Variants in KIF26B observed in about 807,000 individuals in gnomAD.
The protein encoded by KIF26B is kinesin-like protein KIF26B.
KIF26B carries 63 observed loss-of-function variants against 151.2 expected under a neutral mutation model. That is an observed-to-expected ratio of 0.42 (90% confidence interval 0.34 to 0.51). The LOEUF (loss-of-function observed/expected upper bound fraction) is 0.51. KIF26B is among the 20% of genes least tolerant of loss of function. KIF26B has a pLI of 0.07. For missense variants in KIF26B, 2,813 were observed against 2,913.6 expected (o/e 0.97, Z 0.79); for synonymous variants, 1,357 against 1,262.1 (o/e 1.08, Z -1.59).
At chr1:245,490,326 T>C (rs1660379339) in intron 4 of KIF26B, among the ~76,000 whole-genome samples, 2 of 148,562 alleles carry the variant, frequency 1.3e-5, no homozygotes, top group African/African-American at 5.0e-5. Flanking sequence ...TTTTTTTTTT[T>C]TTTTGAGACA....
At chr1:245,181,261 T>C (rs905112913) in intron 2 of KIF26B, among the ~76,000 whole-genome samples, 3 of 152,152 alleles carry the variant, frequency 2.0e-5, no homozygotes, top group Admixed American at 6.6e-5. Context: ...CTGGATAAGA[T>C]TGCCCCTGTC....
chr1:245,592,318 C>T lies in KIF26B; in HGVS notation c.1351-10259C>T, dbSNP rs551259477. 9.8e-4 allele frequency among the ~76,000 whole-genome samples: 150 copies of T among 152,340 alleles called. 1 individual carries two copies. The highest frequency in any genetic ancestry group is 3.4e-3 in the Middle Eastern group (1 of 294). On this transcript the variant is annotated intron_variant, in intron 5 of 14. Transcript: ENST00000407071. Reference sequence around the variant, plus strand: ...GCCCCAGTCTCCTGAGAGATGGCTCCGCTCTGGCTATGACCCAAGATGCTC... The same window carrying T: ...GCCCCAGTCTCCTGAGAGATGGCTCTGCTCTGGCTATGACCCAAGATGCTC...
chr1:245,429,586 A>G (rs1658730322), intron 4 of KIF26B, among the ~76,000 whole-genome samples: 1 of 151,960 alleles, frequency 6.6e-6, no homozygotes, highest in African/African-American at 2.4e-5. Flanking sequence ...TCACCTCTAA[A>G]TCTTCTGAAG....
intron 2 of KIF26B, among the ~76,000 whole-genome samples, chr1:245,177,634 C>A (rs937558014): frequency 6.6e-6 from 1 of 150,888 alleles, no homozygotes; most frequent in South Asian, 2.1e-4. Context: ...GGATTCATTG[C>A]CTTTTGGTTT....
intron 4 of KIF26B, among the ~76,000 whole-genome samples, chr1:245,506,183 G>A (rs57849946): frequency 0.25 from 37,824 of 152,058 alleles, 5,030 homozygotes; most frequent in Middle Eastern, 0.39. Flanking sequence ...ATATTAACAG[G>A]GACAGTGGGG....
At chr1:245,324,897 C>G (rs1206194678) in intron 2 of KIF26B, among the ~76,000 whole-genome samples, 1 of 151,942 alleles carries the variant, frequency 6.6e-6, no homozygotes, top group African/African-American at 2.4e-5. Flanking sequence ...GAGTTCGAGA[C>G]CAGCCTGGCC....
intron 5 of KIF26B, among the ~76,000 whole-genome samples, chr1:245,566,944 C>T (rs2043016060): frequency 1.2e-5 from 1 of 83,638 alleles, no homozygotes; most frequent in African/African-American, 5.3e-5. Context: ...TTAATAAATA[C>T]ATGAATAAAT....
At chr1:245,451,065 G>C (rs1288451443) in intron 4 of KIF26B, among the ~76,000 whole-genome samples, 2 of 150,964 alleles carry the variant, frequency 1.3e-5, no homozygotes, top group African/African-American at 4.9e-5. Flanking sequence ...GAGACATTTT[G>C]ACTTATTTTT....
chr1:245,687,558 C>T lies in KIF26B; in HGVS notation c.4575C>T (p.Pro1525=), dbSNP rs1374612604. 7 of 1,565,800 alleles carry T rather than the reference C, an allele frequency of 4.5e-6. No individual in the cohort carries two copies. Among genetic ancestry groups the T allele is most frequent in the Non-Finnish European group, 5.2e-6 (6 of 1,155,700 alleles). ...MALPGLATQS[P]VHPNKSVKSS... is the part of the protein sequence containing the mutation. ...TGCCCGGTTTGGCCACCCAGAGCCC[C>T]GTGCATCCCAACAAAAGCGTCAAGT... Residue 1525 remains proline (P), a synonymous_variant, in exon 12 of 15, where the codon CCC becomes CCT. Coordinates refer to ENST00000407071, the MANE Select transcript of KIF26B (RefSeq NM_018012.4). This position sits in a 1 kb window ranked among gnomAD's most constrained non-coding sequence, Gnocchi z 4.9.
chr1:245,405,435 A>C (rs1247351387), intron 3 of KIF26B, among the ~76,000 whole-genome samples: 3 of 152,146 alleles, frequency 2.0e-5, no homozygotes, highest in Non-Finnish European at 2.9e-5. Flanking sequence ...TTTTTAGTTA[A>C]TATTCCTTAT....
chr1:245,210,575 C>T (rs1220651935), intron 2 of KIF26B, among the ~76,000 whole-genome samples: 3 of 138,850 alleles, frequency 2.2e-5, no homozygotes, highest in East Asian at 2.0e-4. Flanking sequence ...GAGGAAAAAA[C>T]GTATTTTAAA....
At chr1:245,455,806 C>A (rs561985485) in intron 4 of KIF26B, among the ~76,000 whole-genome samples, 2 of 152,330 alleles carry the variant, frequency 1.3e-5, no homozygotes, top group South Asian at 4.1e-4. Context: ...CCTTGCTGGT[C>A]TTCTCTGCGT....
intron 9 of KIF26B, 72 bp from the exon 10 acceptor site, chr1:245,646,049 G>T (rs946235389): frequency 1.9e-5 from 28 of 1,498,682 alleles, no homozygotes; most frequent in Admixed American, 1.5e-4. Flanking sequence ...ATTTCCCAAG[G>T]AGCTACATGA....
chr1:245,267,672 AC>A (rs1670772525), intron 2 of KIF26B, among the ~76,000 whole-genome samples: 5 of 144,542 alleles, frequency 3.5e-5, no homozygotes, highest in African/African-American at 1.3e-4. Flanking sequence ...ACACACACAC[AC>A]ACACACACAC....
chr1:245,532,026 T>C (rs900797375), intron 4 of KIF26B, among the ~76,000 whole-genome samples: 3 of 152,074 alleles, frequency 2.0e-5, no homozygotes, highest in African/African-American at 7.2e-5. Context: ...AGTTTGAGGC[T>C]GCAGTGGGCT....
intron 2 of KIF26B, among the ~76,000 whole-genome samples, chr1:245,171,280 A>G (rs1668702839): frequency 6.6e-6 from 1 of 152,210 alleles, no homozygotes. Context: ...ACGGTGGCTC[A>G]CGCCTGTAAT....
At position 245,687,814 on chromosome 1, in the gene KIF26B, C is replaced by T. The variant is rs1267085675; in HGVS notation, c.4831C>T (p.Arg1611Trp). The change falls in exon 12 of 15, where the codon CGG becomes TGG. Residue 1611 changes from arginine to tryptophan, a missense_variant. This residue lies in a region of KIF26B where 2,060 missense variants were observed against 2,088.6 expected (regional missense o/e 0.99). Transcript: ENST00000407071. This position sits in a 1 kb window ranked among gnomAD's most constrained non-coding sequence, Gnocchi z 4.9. The stretch of plus-strand genomic sequence containing the variant: ...AAAGTCCAGCCTGGACCAGAAGAAC[C>T]GGGCCAGCCCTCAGCACAGTGCCAG... ...VRKSSLDQKN[R>W]ASPQHSASGS... 4 of 1,595,128 alleles carry T rather than the reference C, an allele frequency of 2.5e-6. No homozygotes were observed. Among genetic ancestry groups the T allele is most frequent in the Non-Finnish European group, 2.6e-6 (3 of 1,171,660 alleles).
chr1:245,481,118 T>A (rs2103068994), intron 4 of KIF26B, among the ~76,000 whole-genome samples: 1 of 152,062 alleles, frequency 6.6e-6, no homozygotes, highest in South Asian at 2.1e-4. Flanking sequence ...CACCTATAAG[T>A]GCCATCTTTG....
rs1672597245 is a variant in KIF26B, at chr1:245,352,758, G to A, written c.466-14076G>A. ...CGCATTTTTGGGAATCTCAACTCCTGAGCCTGTCTTACTAGTACGGGTTCC... is the reference window on the plus strand; with the variant it reads ...CGCATTTTTGGGAATCTCAACTCCTAAGCCTGTCTTACTAGTACGGGTTCC... On this transcript the variant is annotated intron_variant, in intron 2 of 14. Coordinates refer to ENST00000407071, the MANE Select transcript of KIF26B (RefSeq NM_018012.4). The surrounding 1 kb of genome is among the most constrained non-coding windows in gnomAD (Gnocchi z 5.0). 6.6e-6 allele frequency among the ~76,000 whole-genome samples: 1 copy of A among 152,076 alleles called. No individual in the cohort carries two copies. The highest frequency in any genetic ancestry group is 2.1e-4 in the South Asian group (1 of 4,822).
Sources: allele counts gnomAD v4.1 joint callset (sites outside exome capture counted in the v4.1 genomes callset), GRCh38; gene constraint gnomAD v4.1.1; regional missense constraint gnomAD v4.1.1; non-coding constraint Gnocchi (gnomAD v3.1); transcripts MANE v1.5; gene names NCBI Gene and HGNC (gene_info 2026-07-23, HGNC 2026-07-21).